The following LHFPL3 variants were observed in gnomAD, a reference collection of about 807,000 sequenced individuals.
LHFPL3 encodes LHFPL tetraspan subfamily member 3, also known as LHFPL tetraspan subfamily member 3 protein.
A neutral mutation model predicts 19.3 loss-of-function variants in LHFPL3; 5 were observed. The observed-to-expected ratio is 0.26, with a 90% CI of 0.14 to 0.54. The LOEUF (loss-of-function observed/expected upper bound fraction) is 0.54, where lower values mean the gene tolerates loss of function less well. Ranked by LOEUF, LHFPL3 falls within the 20% of genes least tolerant of loss-of-function variation. The pLI, the probability that LHFPL3 is intolerant of heterozygous loss-of-function variation, is 0.94. For synonymous variants in LHFPL3, 133 were observed against 126.2 expected, an observed-to-expected ratio of 1.05 and a Z score of -0.36; for missense variants, 249 against 307.4, an observed-to-expected ratio of 0.81 and a Z score of 1.42.
chr7:104,668,915 A>G, intron 1 of LHFPL3: 2 of 1,612,434 alleles, frequency 1.2e-6, no homozygotes, highest in Non-Finnish European at 1.7e-6. Flanking sequence ...CGTCAGCTGG[A>G]TGGGCCAAAA....
intron 1 of LHFPL3, chr7:104,667,965 C>T: frequency 2.5e-6 from 4 of 1,613,438 alleles, no homozygotes; most frequent in South Asian, 1.1e-5. Flanking sequence ...CCGTTCCATC[C>T]TTCCCACTGC....
chr7:104,651,982 C>T (rs999406755), intron 1 of LHFPL3, among the ~76,000 whole-genome samples: 2 of 152,208 alleles, frequency 1.3e-5, no homozygotes, highest in Non-Finnish European at 2.9e-5. Context: ...ACCTTATCTA[C>T]GTCCCCCATA....
chr7:104,464,461 T>C (rs1013046555), intron 1 of LHFPL3, among the ~76,000 whole-genome samples: 1 of 152,220 alleles, frequency 6.6e-6, no homozygotes, highest in Non-Finnish European at 1.5e-5. Context: ...ACATTTCCCT[T>C]CTTCACTGCC....
chr7:104,729,752 AT>A (rs954405934), intron 1 of LHFPL3, among the ~76,000 whole-genome samples: 13 of 151,642 alleles, frequency 8.6e-5, no homozygotes, highest in African/African-American at 2.7e-4. Flanking sequence ...TTTTATATAT[AT>A]TTTTTATTAT....
chr7:104,848,751 A>G (rs1404723945), intron 2 of LHFPL3, among the ~76,000 whole-genome samples: 1 of 152,162 alleles, frequency 6.6e-6, no homozygotes, highest in African/African-American at 2.4e-5. Flanking sequence ...ATACTTTCTA[A>G]ATATTTCAGA....
Position 104,557,866 on chromosome 7 carries a change from C to A in LHFPL3, c.446-178809C>A, listed in dbSNP as rs988200207. On this transcript the variant is annotated intron_variant, in intron 1 of 2. Transcript: ENST00000424859. ...ACCACAGTCCCCAGAGTGTGATATT[C>A]CCCTTCCTGTGTCCATGTGATCTCA... 2.6e-4 allele frequency among the ~76,000 whole-genome samples: 38 copies of A among 145,042 alleles called. 1 individual carries two copies. Among genetic ancestry groups the A allele is most frequent in the Admixed American group, 2.4e-3 (34 of 14,306 alleles).
At chr7:104,603,093 TC>T (rs1554413242) in intron 1 of LHFPL3, among the ~76,000 whole-genome samples, 4 of 132,512 alleles carry the variant, frequency 3.0e-5, no homozygotes, top group East Asian at 2.6e-4. Flanking sequence ...TTTCTTTCTT[TC>T]TTTCTTTCTT....
chr7:104,386,529 C>T (rs182893551), intron 1 of LHFPL3, among the ~76,000 whole-genome samples: 3 of 152,308 alleles, frequency 2.0e-5, no homozygotes, highest in Admixed American at 6.5e-5. Flanking sequence ...TAGAAAGTCA[C>T]GTGTGTATTC....
chr7:104,674,142 T>G (rs933261459), intron 1 of LHFPL3, among the ~76,000 whole-genome samples: 1 of 151,944 alleles, frequency 6.6e-6, no homozygotes, highest in African/African-American at 2.4e-5. Flanking sequence ...AGAATACATG[T>G]TCTTCATAAT....
Position 104,392,379 on chromosome 7 carries a change from A to G in LHFPL3, c.445+63155A>G, listed in dbSNP as rs532333322. On this transcript the variant is annotated intron_variant, in intron 1 of 2. Coordinates refer to ENST00000424859, the MANE Select transcript of LHFPL3 (RefSeq NM_199000.3). ...TGTCCCATCAATACCTAATTTATTG[A>G]GAGTTTTTAGCATGAAGGGCTGTTG... Among the ~76,000 whole-genome samples the G allele has an allele frequency of 5.9e-4, 90 of 152,102 alleles. 2 individuals are homozygous for G. In the South Asian group the frequency reaches 0.011, roughly 19 times the overall value.
intron 1 of LHFPL3, among the ~76,000 whole-genome samples, chr7:104,372,498 C>T (rs1584274050): frequency 6.6e-6 from 1 of 152,154 alleles, no homozygotes; most frequent in African/African-American, 2.4e-5. Context: ...GGTCTACAAA[C>T]TCAGTGTGCC....
chr7:104,494,684 T>C (rs1316174723), intron 1 of LHFPL3, among the ~76,000 whole-genome samples: 1 of 152,148 alleles, frequency 6.6e-6, no homozygotes, highest in Non-Finnish European at 1.5e-5. Context: ...CCACCAGACC[T>C]GGTAGGAAGC....
intron 1 of LHFPL3, among the ~76,000 whole-genome samples, chr7:104,572,211 C>T (rs1790243547): frequency 6.6e-6 from 1 of 152,120 alleles, no homozygotes; most frequent in African/African-American, 2.4e-5. Context: ...TTTGCCATTG[C>T]GTGTAGTGGC....
At chr7:104,715,713 G>C (rs775800711) in intron 1 of LHFPL3, among the ~76,000 whole-genome samples, 10 of 152,104 alleles carry the variant, frequency 6.6e-5, no homozygotes, top group Admixed American at 1.3e-4. Context: ...TTTGTATGTT[G>C]AGCCTTCTTT....
At chr7:104,557,877 G>A (rs1686107133) in intron 1 of LHFPL3, among the ~76,000 whole-genome samples, 1 of 146,734 alleles carries the variant, frequency 6.8e-6, no homozygotes, top group South Asian at 2.2e-4. Flanking sequence ...CCCTTCCTGT[G>A]TCCATGTGAT....
intron 2 of LHFPL3, among the ~76,000 whole-genome samples, chr7:104,899,290 C>G (rs1444042853): frequency 6.6e-6 from 1 of 151,998 alleles, no homozygotes; most frequent in Non-Finnish European, 1.5e-5. Context: ...TAGAGTTACC[C>G]AGCTGGTAAG....
At chr7:104,669,324 T>C in intron 1 of LHFPL3, 1 of 1,613,428 alleles carries the variant, frequency 6.2e-7, no homozygotes, top group Non-Finnish European at 8.5e-7. Flanking sequence ...AAGATGAAAA[T>C]AAAGTAGATG....
intron 1 of LHFPL3, among the ~76,000 whole-genome samples, chr7:104,336,218 A>G (rs543995196): frequency 6.6e-6 from 1 of 152,336 alleles, no homozygotes; most frequent in Admixed American, 6.5e-5. Context: ...GTTAGTAATA[A>G]TGATGGAAAG....
chr7:104,504,153 C>T (rs1425946040), intron 1 of LHFPL3, among the ~76,000 whole-genome samples: 5 of 152,104 alleles, frequency 3.3e-5, no homozygotes, highest in African/African-American at 1.2e-4. Flanking sequence ...TCTGAACGCT[C>T]TCTACTTCTT....
Sources: allele counts gnomAD v4.1 joint callset (sites outside exome capture counted in the v4.1 genomes callset), GRCh38; gene constraint gnomAD v4.1.1; transcripts MANE v1.5; gene names NCBI Gene and HGNC (gene_info 2026-07-23, HGNC 2026-07-21).